Variants in PTPRD observed in about 807,000 individuals in gnomAD.
The protein encoded by PTPRD is protein tyrosine phosphatase receptor type D.
Under a neutral mutation model 214.5 loss-of-function variants are expected in PTPRD, and 34 were observed. The ratio of observed to expected loss-of-function variants is 0.16; its 90% CI spans 0.12 to 0.21. PTPRD has a LOEUF of 0.21. Among genes scored for constraint, PTPRD ranks in the 10% least tolerant of loss-of-function variants. The probability of loss-of-function intolerance (pLI) is 1.00; values close to 1 mark genes in which losing one functional copy is unlikely to be tolerated. For missense variants in PTPRD, 2,545 were observed against 2,398.7 expected (o/e 1.06, Z -1.27); for synonymous variants, 1,128 against 845.7 (o/e 1.33, Z -5.79).
At chr9:9,369,769 T>A (rs2058932758) in intron 9 of PTPRD, among the ~76,000 whole-genome samples, 1 of 152,182 alleles carries the variant, frequency 6.6e-6, no homozygotes. Flanking sequence ...CTTTAATCCA[T>A]CTTGAATTAA....
At chr9:9,338,298 A>C (rs1323532296) in intron 9 of PTPRD, among the ~76,000 whole-genome samples, 3 of 152,200 alleles carry the variant, frequency 2.0e-5, no homozygotes, top group African/African-American at 7.2e-5. Flanking sequence ...TTCCATTCTT[A>C]AGAATATGTG....
chr9:8,491,933 G>A (rs1193614047), intron 27 of PTPRD, among the ~76,000 whole-genome samples: 2 of 152,104 alleles, frequency 1.3e-5, no homozygotes, highest in Non-Finnish European at 2.9e-5. Flanking sequence ...CATGTTCACG[G>A]GAGATTGCCA....
At chr9:9,863,168 A>T (rs2153695081) in intron 5 of PTPRD, among the ~76,000 whole-genome samples, 1 of 152,308 alleles carries the variant, frequency 6.6e-6, no homozygotes, top group South Asian at 2.1e-4. Flanking sequence ...AAAGCTGACA[A>T]CAGTCCACAG....
At chr9:8,598,752 G>A (rs911438650) in intron 14 of PTPRD, among the ~76,000 whole-genome samples, 1 of 152,078 alleles carries the variant, frequency 6.6e-6, no homozygotes, top group Admixed American at 6.5e-5. Context: ...ATTTGTAAAG[G>A]AAACCACTGT....
intron 7 of PTPRD, among the ~76,000 whole-genome samples, chr9:9,575,663 T>C (rs931965265): frequency 8.0e-6 from 1 of 124,958 alleles, no homozygotes; most frequent in African/African-American, 3.2e-5. Context: ...GAGGTTGCAG[T>C]GAGCCAAGAT....
chr9:9,030,687 G>C (rs1030683301), intron 10 of PTPRD, among the ~76,000 whole-genome samples: 8 of 151,896 alleles, frequency 5.3e-5, no homozygotes, highest in Middle Eastern at 3.4e-3. Context: ...TTCTCCACCA[G>C]TTTTTATCCA....
intron 8 of PTPRD, among the ~76,000 whole-genome samples, chr9:9,461,917 C>T (rs548136441): frequency 6.6e-6 from 1 of 152,120 alleles, no homozygotes; most frequent in Non-Finnish European, 1.5e-5. Context: ...CTTCTTTAAC[C>T]ATTATATTTA....
At chr9:9,903,643 T>C (rs1343873243) in intron 5 of PTPRD, among the ~76,000 whole-genome samples, 1 of 152,082 alleles carries the variant, frequency 6.6e-6, no homozygotes, top group East Asian at 1.9e-4. Flanking sequence ...TAAGATATAA[T>C]TAAACAAATC....
intron 35 of PTPRD, among the ~76,000 whole-genome samples, chr9:8,434,876 C>G (rs1042176888): frequency 1.3e-5 from 2 of 152,084 alleles, no homozygotes; most frequent in African/African-American, 4.8e-5. Context: ...AAGGATACTG[C>G]ATAATTTTAA....
chr9:9,559,837 G>A (rs947250750), intron 8 of PTPRD, among the ~76,000 whole-genome samples: 2 of 152,170 alleles, frequency 1.3e-5, no homozygotes, highest in African/African-American at 4.8e-5. Flanking sequence ...AGGCATGGGA[G>A]AGACATAAGC....
intron 11 of PTPRD, among the ~76,000 whole-genome samples, chr9:8,985,298 C>T (rs1422864074): frequency 7.2e-5 from 11 of 151,956 alleles, no homozygotes; most frequent in African/African-American, 2.7e-4. Flanking sequence ...TGATTGGATG[C>T]TTTATTCAAT....
intron 39 of PTPRD, among the ~76,000 whole-genome samples, chr9:8,349,369 C>T (rs897986471): frequency 2.0e-5 from 3 of 152,118 alleles, no homozygotes; most frequent in African/African-American, 7.2e-5. Flanking sequence ...TATTTTGTTT[C>T]CTTCTCCAAT....
intron 2 of PTPRD, among the ~76,000 whole-genome samples, chr9:10,484,250 C>T (rs1320672072): frequency 6.6e-6 from 1 of 152,030 alleles, no homozygotes; most frequent in Non-Finnish European, 1.5e-5. Flanking sequence ...GCTATGGGTA[C>T]ACGAGGTCAG....
intron 36 of PTPRD, among the ~76,000 whole-genome samples, chr9:8,399,328 G>A (rs762943745): frequency 1.3e-5 from 2 of 152,020 alleles, no homozygotes; most frequent in Non-Finnish European, 2.9e-5. Flanking sequence ...GTATATGCAT[G>A]AACTTTCTGA....
intron 12 of PTPRD, among the ~76,000 whole-genome samples, chr9:8,720,496 A>G (rs1166602857): frequency 2.0e-5 from 3 of 152,254 alleles, no homozygotes; most frequent in Non-Finnish European, 1.5e-5. Context: ...ATGATTTCCA[A>G]TTTACCACAC....
intron 5 of PTPRD, among the ~76,000 whole-genome samples, chr9:9,928,193 C>A (rs532831478): frequency 2.6e-5 from 4 of 152,102 alleles, no homozygotes; most frequent in Admixed American, 1.3e-4. Context: ...ATGATGTTAG[C>A]TGCAGCTTAA....
rs373167595 is a variant in PTPRD at position 8,788,610 on chromosome 9, C to A, written c.-103-54664G>T. Reference sequence around the variant, plus strand: ...TTTTTAACTTAGCCTAAAAACGTTTCCCTTAAAATCAGCAAAGGAAAAGTT... The same window carrying A: ...TTTTTAACTTAGCCTAAAAACGTTTACCTTAAAATCAGCAAAGGAAAAGTT... On this transcript the variant is annotated intron_variant, in intron 11 of 45. Transcript: ENST00000381196. Among the ~76,000 whole-genome samples, 84 of 152,196 alleles carry A rather than the reference C, an allele frequency of 5.5e-4. 1 individual carries two copies. The South Asian group carries it at 0.017, about 30-fold the overall frequency.
At chr9:9,275,143 A>AT (rs1235164304) in intron 9 of PTPRD, among the ~76,000 whole-genome samples, 100 of 66,896 alleles carry the variant, frequency 1.5e-3, no homozygotes, top group Non-Finnish European at 2.2e-3. Context: ...TATAATATAT[A>AT]TATAATATAT....
chr9:10,570,470 T>C (rs375721360), intron 2 of PTPRD, among the ~76,000 whole-genome samples: 1 of 152,242 alleles, frequency 6.6e-6, no homozygotes, highest in African/African-American at 2.4e-5. Context: ...AGGACAGATA[T>C]TGATGAACAC....
Sources: gnomAD v4.1 joint callset for allele counts (sites outside exome capture counted in the v4.1 genomes callset) on GRCh38, gnomAD v4.1.1 for gene constraint, MANE v1.5 for transcripts, NCBI Gene and HGNC (gene_info 2026-07-23, HGNC 2026-07-21) for gene names.